Variants in CHD9 observed in about 807,000 individuals in gnomAD.
The protein encoded by CHD9 is ATP-dependent chromatin remodeler CHD9.
In CHD9, 77 loss-of-function variants were observed where a neutral mutation model predicts 316.1. The observed-to-expected ratio is 0.24, with a 90% CI of 0.20 to 0.29. The LOEUF is 0.29. Among genes scored for constraint, CHD9 ranks in the 10% least tolerant of loss-of-function variants. The pLI is 1.00. For synonymous variants in CHD9, 1,129 were observed against 1,158.3 expected, an observed-to-expected ratio of 0.97 and a Z score of 0.51; for missense variants, 2,763 against 3,438.1, an observed-to-expected ratio of 0.80 and a Z score of 4.91.
intron 2 of CHD9, among the ~76,000 whole-genome samples, chr16:53,167,869 T>TA (rs1003946365): frequency 1.1e-4 from 16 of 151,936 alleles, no homozygotes; most frequent in South Asian, 2.1e-4. Flanking sequence ...AGATTTTTGT[T>TA]AAAAAAAGGG....
At chr16:53,189,650 AT>A (rs1479493540) in intron 2 of CHD9, among the ~76,000 whole-genome samples, 1 of 151,646 alleles carries the variant, frequency 6.6e-6, no homozygotes, top group African/African-American at 2.4e-5. Flanking sequence ...TGAATTTATG[AT>A]TTGTACTAGC....
At chr16:53,122,543 C>A (rs1363755669) in intron 1 of CHD9, among the ~76,000 whole-genome samples, 1 of 141,804 alleles carries the variant, frequency 7.1e-6, no homozygotes, top group Non-Finnish European at 1.5e-5. Context: ...GCTGGGAATC[C>A]CTTTTTTTTT....
At chr16:53,131,393 G>C (rs1420740366) in intron 1 of CHD9, 1 of 146,356 alleles carries the variant, frequency 6.8e-6, no homozygotes, top group Admixed American at 6.8e-5. Flanking sequence ...CGCCTGAGGT[G>C]AGGGATCCGG....
At chr16:53,163,958 G>A (rs951736582) in intron 2 of CHD9, among the ~76,000 whole-genome samples, 1 of 152,052 alleles carries the variant, frequency 6.6e-6, no homozygotes, top group African/African-American at 2.4e-5. Context: ...AATCTGCATG[G>A]TTGGAAACTG....
chr16:53,259,568 G>A (rs1054296484), intron 19 of CHD9, among the ~76,000 whole-genome samples: 3 of 152,152 alleles, frequency 2.0e-5, no homozygotes, highest in Non-Finnish European at 4.4e-5. Flanking sequence ...CTGGAGTGCA[G>A]TGGTGCAATC....
chr16:53,324,368 A>G lies in CHD9; in HGVS notation c.8167A>G (p.Asn2723Asp). 1 of 1,614,006 alleles carries G rather than the reference A, an allele frequency of 6.2e-7. No individual in the cohort carries two copies. The highest frequency in any genetic ancestry group is 8.5e-7 in the Non-Finnish European group (1 of 1,179,886). ...MLLSGMAGLP[N>D]LLGMGGLLTK... ...GCTGTCAGGAATGGCTGGATTACCA[A>G]ATCTGTTGGGCATGGGAGGACTCCT... is the stretch of plus-strand genomic sequence containing the variant. The change falls in exon 39 of 39, where the codon AAT becomes GAT. Residue 2723 changes from asparagine (N) to aspartate (D), a missense_variant. Asn to Asp is a conservative substitution (Grantham distance 23). Around this residue, in one of 15 missense-constraint regions of CHD9, gnomAD observed 298 missense variants for 380.2 expected, o/e 0.78. Coordinates refer to ENST00000447540, the MANE Select transcript of CHD9 (RefSeq NM_001308319.2).
chr16:53,202,101 A>G (rs1016499753), intron 2 of CHD9, among the ~76,000 whole-genome samples: 1 of 152,008 alleles, frequency 6.6e-6, no homozygotes, highest in Non-Finnish European at 1.5e-5. Flanking sequence ...GCCTCAAGCA[A>G]TCCTCCTGCC....
intron 21 of CHD9, 79 bp downstream of exon 21, chr16:53,267,569 A>AT: frequency 9.8e-7 from 1 of 1,017,686 alleles, no homozygotes; most frequent in Non-Finnish European, 1.4e-6. Flanking sequence ...TTTTGAGTAT[A>AT]TTTTTTATCT....
chr16:53,098,845 A>C (rs1369639566), intron 1 of CHD9, among the ~76,000 whole-genome samples: 1 of 152,194 alleles, frequency 6.6e-6, no homozygotes, highest in African/African-American at 2.4e-5. Context: ...GTGCATCATT[A>C]GATAAATGCA....
At chr16:53,272,435 C>A (rs1382741934) in intron 22 of CHD9, among the ~76,000 whole-genome samples, 1 of 151,674 alleles carries the variant, frequency 6.6e-6, no homozygotes, top group Non-Finnish European at 1.5e-5. Flanking sequence ...AGTGGAGTAC[C>A]CACCTGTTAT....
chr16:53,072,332 T>TG (rs1247951499), intron 1 of CHD9, among the ~76,000 whole-genome samples: 3 of 151,542 alleles, frequency 2.0e-5, no homozygotes, highest in Non-Finnish European at 2.9e-5. Context: ...TTTTTTTTTT[T>TG]TATAATTGGG....
rs564554736 is a variant in CHD9 at position 53,210,889 on chromosome 16, A to G, written c.1784+1076A>G. Among the ~76,000 whole-genome samples the G allele has an allele frequency of 8.0e-4, 122 of 152,210 alleles. No individual in the cohort carries two copies. The East Asian group carries it at 8.1e-3, about 10-fold the overall frequency. On this transcript the variant is annotated intron_variant, in intron 3 of 38. Transcript: ENST00000447540. ...ATGGGCTCTCTTGTTATAATAGATT[A>G]ATAATCATATTGATTTTGCATTTTA...
chr16:53,160,603 G>T (rs1363439591), intron 2 of CHD9, among the ~76,000 whole-genome samples: 1 of 150,252 alleles, frequency 6.7e-6, no homozygotes, highest in South Asian at 2.1e-4. Context: ...ATTCTTTTTT[G>T]ACTTACTGAA....
At chr16:53,110,339 G>A (rs1275934615) in intron 1 of CHD9, among the ~76,000 whole-genome samples, 1 of 152,200 alleles carries the variant, frequency 6.6e-6, no homozygotes, top group East Asian at 1.9e-4. Flanking sequence ...TGCCTGTAAT[G>A]TAATCCCAGT....
chr16:53,206,583 T>C (rs1465371992), intron 2 of CHD9, among the ~76,000 whole-genome samples: 2 of 152,152 alleles, frequency 1.3e-5, no homozygotes, highest in Non-Finnish European at 2.9e-5. Flanking sequence ...GCAAGTCATT[T>C]CTCTATCCCC....
chr16:53,258,813 G>A (rs1267555157), intron 19 of CHD9, among the ~76,000 whole-genome samples: 1 of 152,038 alleles, frequency 6.6e-6, no homozygotes, highest in Admixed American at 6.5e-5. Context: ...AGGGCAGCCA[G>A]GTGGGTCCTA....
chr16:53,109,350 T>TTAA (rs1414130076), intron 1 of CHD9, among the ~76,000 whole-genome samples: 1 of 152,186 alleles, frequency 6.6e-6, no homozygotes, highest in Non-Finnish European at 1.5e-5. Context: ...TAGTTTGTAG[T>TTAA]TAATTTAACA....
At chr16:53,311,428 TA>T (rs2056468363) in intron 34 of CHD9, 2 of 152,132 alleles carry the variant, frequency 1.3e-5, no homozygotes, top group Admixed American at 1.3e-4. Flanking sequence ...ATGGGTTAAA[TA>T]AAACAATGTA....
chr16:53,209,813 G>A lies in CHD9; in HGVS notation c.1784G>A (p.Gly595Asp), dbSNP rs530139033. The A allele has an allele frequency of 1.1e-4, 164 of 1,544,570 alleles. 2 individuals are homozygous for A. The South Asian group carries it at 1.9e-3, about 18-fold the overall frequency. The change falls in exon 3 of 39, where the codon GGC (glycine) becomes GAC (aspartate). Residue 595 changes from glycine to aspartate, a missense_variant and splice_region_variant. By Grantham distance (94) the Gly-to-Asp change is moderately conservative (BLOSUM62 -1). Transcript: ENST00000447540. ...CSKLKEKTKI[G>D]KLIITLGKKQ... ...AAGTTAAAAGAGAAGACAAAAATTGGGTAAGTTGGTTAAGAATTAAATTTA... is the reference window on the plus strand; with the variant it reads ...AAGTTAAAAGAGAAGACAAAAATTGAGTAAGTTGGTTAAGAATTAAATTTA...
Sources: allele counts gnomAD v4.1 joint callset (sites outside exome capture counted in the v4.1 genomes callset), GRCh38; gene constraint gnomAD v4.1.1; regional missense constraint gnomAD v4.1.1; transcripts MANE v1.5; gene names NCBI Gene and HGNC (gene_info 2026-07-23, HGNC 2026-07-21).